Variants in CPEB3 observed in about 807,000 individuals in gnomAD.
The protein encoded by CPEB3 is cytoplasmic polyadenylation element binding protein 3.
A neutral mutation model predicts 67.2 loss-of-function variants in CPEB3; 20 were observed. That is an observed-to-expected ratio of 0.30 (90% CI 0.21 to 0.43). CPEB3 has a LOEUF of 0.43. Ranked by LOEUF, CPEB3 falls within the 20% of genes least tolerant of loss-of-function variation. CPEB3 has a pLI of 1.00. For synonymous variants in CPEB3, 376 were observed against 393.1 expected, an observed-to-expected ratio of 0.96 and a Z score of 0.51; for missense variants, 746 against 968.6, an observed-to-expected ratio of 0.77 and a Z score of 3.05.
intron 1 of CPEB3, among the ~76,000 whole-genome samples, chr10:92,273,284 TAAC>T (rs751557490): frequency 4.6e-5 from 7 of 152,212 alleles, no homozygotes; most frequent in Admixed American, 6.6e-5. Flanking sequence ...TTAAACTGTA[TAAC>T]AACTGTATAA....
chr10:92,245,133 CTTTTTT>C (rs989695063), intron 1 of CPEB3, among the ~76,000 whole-genome samples: 4 of 98,068 alleles, frequency 4.1e-5, no homozygotes, highest in African/African-American at 7.9e-5. Context: ...AGAAAAGAGT[CTTTTTT>C]TTTTTTTTTT....
intron 6 of CPEB3, among the ~76,000 whole-genome samples, chr10:92,141,911 G>A (rs1482422621): frequency 3.3e-5 from 5 of 151,154 alleles, no homozygotes; most frequent in African/African-American, 9.7e-5. Flanking sequence ...CCAGCTACTC[G>A]GGAGGCTGAG....
At chr10:92,057,281 C>T (rs1369281547) in intron 9 of CPEB3, among the ~76,000 whole-genome samples, 1 of 152,184 alleles carries the variant, frequency 6.6e-6, no homozygotes, top group Non-Finnish European at 1.5e-5. Flanking sequence ...CACGAGCTGA[C>T]TTAAGAGCCC....
chr10:92,219,304 TC>T (rs1267669747), intron 2 of CPEB3, among the ~76,000 whole-genome samples: 3 of 152,212 alleles, frequency 2.0e-5, no homozygotes, highest in African/African-American at 7.2e-5. Flanking sequence ...AGCTGAAGCA[TC>T]CTTTTACCCA....
intron 2 of CPEB3, among the ~76,000 whole-genome samples, chr10:92,210,812 C>T (rs1247542814): frequency 4.0e-5 from 6 of 151,508 alleles, no homozygotes; most frequent in Non-Finnish European, 2.9e-5. Context: ...CCAAGGCGGG[C>T]GGATTACTTG....
At chr10:92,109,887 T>C (rs925346678) in intron 7 of CPEB3, among the ~76,000 whole-genome samples, 1 of 152,228 alleles carries the variant, frequency 6.6e-6, no homozygotes, top group Non-Finnish European at 1.5e-5. Flanking sequence ...TATTGCCATA[T>C]AGCTGAGTTC....
At chr10:92,274,573 G>A (rs1590597533) in intron 1 of CPEB3, among the ~76,000 whole-genome samples, 1 of 152,288 alleles carries the variant, frequency 6.6e-6, no homozygotes, top group South Asian at 2.1e-4. Flanking sequence ...AGGCATGGTG[G>A]CTCATGCCTG....
chr10:92,113,914 C>T (rs1844873926), intron 6 of CPEB3, among the ~76,000 whole-genome samples: 1 of 152,204 alleles, frequency 6.6e-6, no homozygotes, highest in African/African-American at 2.4e-5. Flanking sequence ...AGAGAAATAT[C>T]TATAAACAAT....
rs762713507 is a variant in CPEB3, at chr10:92,048,381, T to TCACACA, written c.*3830_*3831insTGTGTG. 49 of 18,082 alleles carry TCACACA rather than the reference T, an allele frequency of 2.7e-3. No individual in the cohort carries two copies. The highest frequency in any genetic ancestry group is 6.8e-3 in the Admixed American group (8 of 1,176). 1.1% of individuals were successfully genotyped at this position (18,082 alleles called of 1,614,324 possible). On this transcript the variant is annotated 3_prime_UTR_variant, in exon 10 of 10. Coordinates refer to ENST00000265997, the MANE Select transcript of CPEB3 (RefSeq NM_014912.5). The surrounding 1 kb of genome is among the most constrained non-coding windows in gnomAD (Gnocchi z 4.1). The stretch of plus-strand genomic sequence containing the variant: ...CAGTTTTTCTCTCTCTCTCTCTCTC[T>TCACACA]CTCTCTCACACACACACACACACAC...
chr10:92,224,930 A>C (rs1172629916), intron 2 of CPEB3, among the ~76,000 whole-genome samples: 1 of 147,612 alleles, frequency 6.8e-6, no homozygotes, highest in African/African-American at 2.5e-5. Flanking sequence ...TAATTTACAT[A>C]TTATATATAA....
At chr10:92,110,824 T>C (rs1844700789) in intron 7 of CPEB3, among the ~76,000 whole-genome samples, 1 of 152,252 alleles carries the variant, frequency 6.6e-6, no homozygotes, top group Non-Finnish European at 1.5e-5. Flanking sequence ...GAATAGGAAT[T>C]AGCTTAAAAG....
chr10:92,056,461 C>G (rs1221455299), intron 9 of CPEB3, among the ~76,000 whole-genome samples: 4 of 152,118 alleles, frequency 2.6e-5, no homozygotes, highest in African/African-American at 9.7e-5. Flanking sequence ...CCTCGTAGTA[C>G]CTGGTTTTAT....
intron 9 of CPEB3, among the ~76,000 whole-genome samples, chr10:92,053,743 G>A (rs1842006749): frequency 6.6e-6 from 1 of 152,054 alleles, no homozygotes; most frequent in African/African-American, 2.4e-5. Context: ...GGGTTTCACT[G>A]TGTTAGCCAG....
intron 9 of CPEB3, among the ~76,000 whole-genome samples, chr10:92,073,787 CAA>C (rs34751982): frequency 6.6e-6 from 1 of 151,702 alleles, no homozygotes; most frequent in African/African-American, 2.4e-5. Flanking sequence ...GAAGGGCGTC[CAA>C]AAAAGACAGC....
chr10:92,285,238 G>A (rs1201346363), intron 1 of CPEB3, among the ~76,000 whole-genome samples: 2 of 152,102 alleles, frequency 1.3e-5, no homozygotes, highest in Non-Finnish European at 2.9e-5. Context: ...CATCTCTCAA[G>A]ACTGCTGCAT....
chr10:92,093,168 T>G (rs1843692951), intron 7 of CPEB3, among the ~76,000 whole-genome samples: 2 of 152,150 alleles, frequency 1.3e-5, no homozygotes, highest in African/African-American at 4.8e-5. Flanking sequence ...GTTACGCAGG[T>G]AGCCAATATG....
At chr10:92,142,127 C>A (rs1263122001) in intron 6 of CPEB3, among the ~76,000 whole-genome samples, 2 of 150,002 alleles carry the variant, frequency 1.3e-5, no homozygotes. Context: ...TGGAGAAGTA[C>A]AACTGACAAT....
In CPEB3 at chr10:92,150,291, T is replaced by C. The variant is rs1320288129; in HGVS notation, c.1223-5206A>G. Among the ~76,000 whole-genome samples, 7 of 151,638 alleles carry C rather than the reference T, an allele frequency of 4.6e-5. No homozygotes were observed. The East Asian group carries it at 1.4e-3, about 29-fold the overall frequency. On this transcript the variant is annotated intron_variant, in intron 4 of 9. Transcript: ENST00000265997. The stretch of plus-strand genomic sequence containing the variant: ...TTTTAATATAGAGATGGGGTCTCAC[T>C]AGGTTGCCCAGGTTGGTCTTGAACT...
chr10:92,077,814 GAGGGGAGGGGAGTGA>G (rs1842993251), intron 9 of CPEB3, among the ~76,000 whole-genome samples: 1 of 148,964 alleles, frequency 6.7e-6, no homozygotes, highest in Admixed American at 6.7e-5. Flanking sequence ...AATGGGAGGA[GAGGGGAGGGGAGTGA>G]AGGGGAGGGG....
Sources: gnomAD v4.1 joint callset for allele counts (sites outside exome capture counted in the v4.1 genomes callset) on GRCh38, gnomAD v4.1.1 for gene constraint, Gnocchi (gnomAD v3.1) non-coding constraint, MANE v1.5 for transcripts, NCBI Gene and HGNC (gene_info 2026-07-23, HGNC 2026-07-21) for gene names.